The following IQGAP3 variants were observed in gnomAD, a reference collection of about 807,000 sequenced individuals.
The protein encoded by IQGAP3 is IQ motif containing GTPase activating protein 3, also known as ras GTPase-activating-like protein IQGAP3.
IQGAP3 carries 165 observed loss-of-function variants against 208.2 expected under a neutral mutation model. The ratio of observed to expected loss-of-function variants is 0.79; its 90% CI spans 0.70 to 0.90. The LOEUF (loss-of-function observed/expected upper bound fraction) is 0.90. IQGAP3 is among the 40% of genes least tolerant of loss of function. The pLI is 0.00. For missense variants in IQGAP3, 1,811 were observed against 2,043.1 expected, an observed-to-expected ratio of 0.89 and a Z score of 2.19; for synonymous variants, 703 against 803.6, an observed-to-expected ratio of 0.87 and a Z score of 2.12.
At chr1:156,537,719 A>C (rs1674762730) in intron 26 of IQGAP3, among the ~76,000 whole-genome samples, 1 of 152,190 alleles carries the variant, frequency 6.6e-6, no homozygotes, top group East Asian at 1.9e-4. Context: ...AGCCACCAGG[A>C]TTGCCTGCTC....
At chr1:156,555,594 C>T (rs947283847) in intron 12 of IQGAP3, among the ~76,000 whole-genome samples, 2 of 152,130 alleles carry the variant, frequency 1.3e-5, no homozygotes, top group Admixed American at 6.5e-5. Context: ...CTAAAGTTTA[C>T]TTTCTTCTCT....
intron 1 of IQGAP3, among the ~76,000 whole-genome samples, chr1:156,571,597 G>A (rs1676645781): frequency 6.6e-6 from 1 of 152,210 alleles, no homozygotes; most frequent in Admixed American, 6.5e-5. Context: ...ACCAGTAAGT[G>A]AATGACATCA....
chr1:156,530,788 T>C (rs1330629064), intron 33 of IQGAP3, among the ~76,000 whole-genome samples: 1 of 152,190 alleles, frequency 6.6e-6, no homozygotes, highest in African/African-American at 2.4e-5. Context: ...AACCTGCCCC[T>C]GGCCCCCCAC....
chr1:156,536,116 C>T (rs533636055), intron 27 of IQGAP3, among the ~76,000 whole-genome samples: 1 of 152,288 alleles, frequency 6.6e-6, no homozygotes, highest in East Asian at 1.9e-4. Context: ...ACAATCTTTT[C>T]TTACTCCTAA....
In IQGAP3 at chr1:156,539,896, A is replaced by G; in HGVS notation, c.2834T>C (p.Leu945Pro). 6 of 1,614,134 alleles carry G rather than the reference A, an allele frequency of 3.7e-6. No individual in the cohort carries two copies. The South Asian group carries it at 6.6e-5, about 18-fold the overall frequency. The change falls in exon 24 of 38, where the codon CTG becomes CCG. Residue 945 changes from leucine to proline, a missense_variant. Transcript: ENST00000361170. ...TAGTTTCTGCCGTTTCTCTTTGCTCAGCGACTTTAAACCCTTCTGCTTGTC... is the reference window on the plus strand; with the variant it reads ...TAGTTTCTGCCGTTTCTCTTTGCTCGGCGACTTTAAACCCTTCTGCTTGTC... Reference protein sequence around the residue: ...VLDKQKGLKSLSKEKRQKLEA... With the variant: ...VLDKQKGLKSPSKEKRQKLEA...
chr1:156,543,383 A>G (rs999314257), intron 22 of IQGAP3, among the ~76,000 whole-genome samples: 7 of 152,210 alleles, frequency 4.6e-5, no homozygotes, highest in South Asian at 2.1e-4. Context: ...CCAGGAAGGA[A>G]AGGGGCCTAC....
rs1675386183 is a variant in IQGAP3, at chr1:156,548,580, C to G, written c.1993+1G>C. 1 of 1,599,142 alleles carries G rather than the reference C, an allele frequency of 6.3e-7. No homozygotes were observed. The highest frequency in any genetic ancestry group is 2.2e-5 in the East Asian group (1 of 44,610). ...GAGGAGGGTCAGGTTGGGGCCATTA[C>G]CTGGACGCTGTTTCTTTGCCATGGC... On this transcript the variant is annotated splice_donor_variant, in intron 17 of 37. Transcript: ENST00000361170. LOFTEE classifies it high-confidence loss of function.
chr1:156,562,634 T>C lies in IQGAP3; in HGVS notation c.830A>G (p.His277Arg). ...DDRESQDIYDHYLTQAEIQGN... is the reference protein window; with the variant it reads ...DDRESQDIYDRYLTQAEIQGN... ...CTGGATTTCAGCCTGAGTTAGGTAG[T>C]GGTCATAGATGTCCTGGCTTTCTCT... is the stretch of plus-strand genomic sequence containing the variant. The change falls in exon 9 of 38, where the codon CAC becomes CGC. Residue 277 changes from histidine to arginine, a missense_variant. Physicochemically the swap from His to Arg is conservative, Grantham distance 29. Coordinates refer to ENST00000361170, the MANE Select transcript of IQGAP3 (RefSeq NM_178229.5). The C allele has an allele frequency of 6.2e-7, 1 of 1,614,152 alleles. No individual in the cohort carries two copies. The highest frequency in any genetic ancestry group is 8.5e-7 in the Non-Finnish European group (1 of 1,179,992).
chr1:156,544,204 A>G lies in IQGAP3; in HGVS notation c.2408T>C (p.Met803Thr), dbSNP rs2102391421. The G allele has an allele frequency of 6.2e-7, 1 of 1,614,172 alleles. No individual in the cohort carries two copies. Among genetic ancestry groups the G allele is most frequent in the East Asian group, 2.2e-5 (1 of 44,888 alleles). The change falls in exon 21 of 38, where the codon ATG becomes ACG. Residue 803 changes from methionine (M) to threonine (T), a missense_variant. Transcript: ENST00000361170. ...AIIKIQAWAR[M>T]WAARRQYLRR... is the part of the protein sequence containing the mutation. ...CAGGTATTGCCTCCGAGCTGCCCAC[A>G]TCCGGGCCCAGGCCTGGATCTGGGA...
intron 15 of IQGAP3, 54 bp downstream of exon 15, chr1:156,551,651 C>A (rs1012986056): frequency 3.2e-6 from 5 of 1,550,268 alleles, no homozygotes. Flanking sequence ...CAGTGCAACC[C>A]ACAGAGAATG....
At chr1:156,531,603 GTTTT>G (rs34783419) in intron 32 of IQGAP3, among the ~76,000 whole-genome samples, 1 of 120,554 alleles carries the variant, frequency 8.3e-6, no homozygotes. Context: ...CAGCTCACTT[GTTTT>G]TTTTTTTTTT....
chr1:156,533,737 C>T, intron 31 of IQGAP3, 36 bp downstream of exon 31: 1 of 1,551,002 alleles, frequency 6.4e-7, no homozygotes, highest in South Asian at 1.1e-5. Flanking sequence ...CATGCAGGTC[C>T]CCTAGCTGGC....
intron 2 of IQGAP3, among the ~76,000 whole-genome samples, chr1:156,567,315 T>C (rs1676454681): frequency 6.6e-6 from 1 of 152,172 alleles, no homozygotes; most frequent in Admixed American, 6.5e-5. Context: ...ATGAGAGTAG[T>C]GGGGCTGGTG....
Position 156,525,701 on chromosome 1 carries a change from T to C in IQGAP3, c.*785A>G, listed in dbSNP as rs1213759646. On this transcript the variant is annotated 3_prime_UTR_variant, in exon 38 of 38. Coordinates refer to ENST00000361170, the MANE Select transcript of IQGAP3 (RefSeq NM_178229.5). ...AACACGGCATGGGTATTAGTTTGAA[T>C]AGGGAAAATGAGAACTCTCTTTGAG... The C allele has an allele frequency of 6.3e-5, 6 of 95,770 alleles. No individual in the cohort carries two copies. The highest frequency in any genetic ancestry group is 1.2e-4 in the Non-Finnish European group (6 of 52,166). 5.9% of individuals were successfully genotyped at this position (95,770 alleles called of 1,614,324 possible). A position where few individuals can be genotyped will look rare whatever the true frequency, so the allele number is the denominator to read the frequency against.
chr1:156,528,502 C>T lies in IQGAP3; in HGVS notation c.4673+7G>A, dbSNP rs1331855431. 3 of 1,607,846 alleles carry T rather than the reference C, an allele frequency of 1.9e-6. No individual in the cohort carries two copies. The highest frequency in any genetic ancestry group is 2.6e-6 in the Non-Finnish European group (3 of 1,174,608). ...GGGCTGACATCCTGCCCTCCAAAGA[C>T]ACATACTGAGAGGCGGGAAGATCTT... is the stretch of plus-strand genomic sequence containing the variant. On this transcript the variant is annotated splice_region_variant and intron_variant, in intron 36 of 37. Coordinates refer to ENST00000361170, the MANE Select transcript of IQGAP3 (RefSeq NM_178229.5).
intron 2 of IQGAP3, among the ~76,000 whole-genome samples, chr1:156,567,621 G>A (rs951272525): frequency 6.6e-6 from 1 of 152,184 alleles, no homozygotes; most frequent in African/African-American, 2.4e-5. Flanking sequence ...TAATTGGAAA[G>A]TATCTGTTTC....
intron 24 of IQGAP3, 77 bp downstream of exon 24, chr1:156,539,761 G>T: frequency 2.0e-6 from 3 of 1,528,604 alleles, no homozygotes; most frequent in Non-Finnish European, 2.7e-6. Flanking sequence ...GGTGCCAAAC[G>T]CACAGACAAG....
rs115342769 is a variant in IQGAP3, at chr1:156,550,010, C to T, written c.1825+251G>A. Among the ~76,000 whole-genome samples, 1,130 of 152,300 alleles carry T rather than the reference C, an allele frequency of 7.4e-3. 12 individuals carry two copies. The highest frequency in any genetic ancestry group is 0.026 in the African/African-American group (1,089 of 41,562). On this transcript the variant is annotated intron_variant, in intron 16 of 37. Coordinates refer to ENST00000361170, the MANE Select transcript of IQGAP3 (RefSeq NM_178229.5). ...GCCCACATTACAGGGAAAGTGTTCACAGGAAGGCATAGAGGGAGGCAGCAG... is the reference window on the plus strand; with the variant it reads ...GCCCACATTACAGGGAAAGTGTTCATAGGAAGGCATAGAGGGAGGCAGCAG...
intron 19 of IQGAP3, among the ~76,000 whole-genome samples, chr1:156,546,398 A>C (rs914029949): frequency 5.9e-5 from 9 of 152,224 alleles, no homozygotes; most frequent in Non-Finnish European, 1.3e-4. Context: ...CTAGTGACAA[A>C]TGTTCCCTCT....
Sources: allele counts gnomAD v4.1 joint callset (sites outside exome capture counted in the v4.1 genomes callset), GRCh38; gene constraint gnomAD v4.1.1; transcripts MANE v1.5; gene names NCBI Gene and HGNC (gene_info 2026-07-23, HGNC 2026-07-21).